Variants in MEGF10 observed in about 807,000 individuals in gnomAD.
MEGF10 encodes multiple EGF like domains 10, also known as multiple epidermal growth factor-like domains protein 10.
In MEGF10, 86 loss-of-function variants were observed where a neutral mutation model predicts 147.5. That is an observed-to-expected ratio of 0.58 (90% CI 0.49 to 0.70). The LOEUF (loss-of-function observed/expected upper bound fraction) is 0.70, where lower values mean the gene tolerates loss of function less well. Among genes scored for constraint, MEGF10 ranks in the 30% least tolerant of loss-of-function variants. MEGF10 has a pLI of 0.00. For missense variants in MEGF10, 1,329 were observed against 1,487.3 expected (o/e 0.89, Z 1.75); for synonymous variants, 478 against 525.5 (o/e 0.91, Z 1.24).
intron 23 of MEGF10, among the ~76,000 whole-genome samples, chr5:127,454,878 T>C (rs774866980): frequency 1.2e-4 from 18 of 152,102 alleles, no homozygotes; most frequent in Non-Finnish European, 2.2e-4. Flanking sequence ...AAATATGGCT[T>C]ATGGGGAGAC....
chr5:127,298,716 G>A (rs1392594203), intron 1 of MEGF10, among the ~76,000 whole-genome samples: 1 of 152,194 alleles, frequency 6.6e-6, no homozygotes, highest in Non-Finnish European at 1.5e-5. Flanking sequence ...GGGTCACAGA[G>A]AATAGCTGGT....
chr5:127,447,721 G>C, intron 21 of MEGF10, 37 bp downstream of exon 21: 2 of 1,612,690 alleles, frequency 1.2e-6, no homozygotes, highest in Non-Finnish European at 1.7e-6. Context: ...GAAGTGGGCT[G>C]GGGAGAGAGG....
chr5:127,446,314 C>A (rs1029479307), intron 20 of MEGF10, among the ~76,000 whole-genome samples: 7 of 152,080 alleles, frequency 4.6e-5, no homozygotes, highest in Admixed American at 1.3e-4. Flanking sequence ...AGTTTAAAAT[C>A]TTTATTACTT....
intron 5 of MEGF10, among the ~76,000 whole-genome samples, chr5:127,390,411 T>C (rs1763601465): frequency 6.6e-6 from 1 of 152,046 alleles, no homozygotes; most frequent in African/African-American, 2.4e-5. Flanking sequence ...CACCTTAGCC[T>C]CCTGAGTAGC....
intron 4 of MEGF10, among the ~76,000 whole-genome samples, chr5:127,341,773 G>A (rs1487521915): frequency 1.3e-5 from 2 of 152,134 alleles, no homozygotes; most frequent in African/African-American, 2.4e-5. Flanking sequence ...TTATACTTCT[G>A]TAACATATTG....
intron 5 of MEGF10, among the ~76,000 whole-genome samples, chr5:127,386,626 G>T (rs1174036311): frequency 6.6e-6 from 1 of 152,240 alleles, no homozygotes; most frequent in East Asian, 1.9e-4. Flanking sequence ...ATGAATAAAA[G>T]GTCCAAGCCT....
the MEGF10 span, among the ~76,000 whole-genome samples, chr5:127,262,211 CTATGT>C: frequency 6.6e-6 from 1 of 152,112 alleles, no homozygotes; most frequent in African/African-American, 2.4e-5. Flanking sequence ...GATTTACTCT[CTATGT>C]TATCTTCTAA....
In MEGF10 at chr5:127,410,413, G is replaced by T. The variant is rs1477033586; in HGVS notation, c.942G>T (p.Gly314=). 1 of 1,614,076 alleles carries T rather than the reference G, an allele frequency of 6.2e-7. No individual in the cohort carries two copies. Among genetic ancestry groups the T allele is most frequent in the African/African-American group, 1.3e-5 (1 of 74,918 alleles). ...GERCQDECPV[G]TYGVLCAETC... is the part of the protein sequence containing the mutation. ...GGTGCCAGGATGAGTGTCCTGTTGG[G>T]ACCTATGGCGTTCTCTGTGCTGAGA... The change falls in exon 9 of 25, where the codon GGG becomes GGT. Residue 314 remains glycine, a synonymous_variant. Transcript: ENST00000503335.
chr5:127,360,406 A>G (rs897285414), intron 4 of MEGF10, among the ~76,000 whole-genome samples: 4 of 151,948 alleles, frequency 2.6e-5, no homozygotes, highest in Non-Finnish European at 5.9e-5. Context: ...CTAAATACAT[A>G]TATTTACATA....
chr5:127,286,464 A>T (rs1759032539), upstream of MEGF10, among the ~76,000 whole-genome samples: 2 of 152,052 alleles, frequency 1.3e-5, no homozygotes, highest in Non-Finnish European at 2.9e-5. Flanking sequence ...ATACCTAAAA[A>T]ATTCCCTGAA....
chr5:127,402,748 G>T, intron 8 of MEGF10, 66 bp downstream of exon 8: 3 of 1,557,064 alleles, frequency 1.9e-6, no homozygotes, highest in South Asian at 1.2e-5. Context: ...TGTAGGGTCC[G>T]GGGAGCATCT....
intron 11 of MEGF10, 57 bp from the exon 12 acceptor site, chr5:127,419,987 A>T: frequency 6.3e-7 from 1 of 1,585,680 alleles, no homozygotes; most frequent in African/African-American, 1.3e-5. Flanking sequence ...GGAAAGGCTC[A>T]ACAAGGCTCT....
At chr5:127,442,132 G>A (rs1224190888) in intron 18 of MEGF10, among the ~76,000 whole-genome samples, 1 of 152,174 alleles carries the variant, frequency 6.6e-6, no homozygotes, top group South Asian at 2.1e-4. Context: ...CCAGATGACT[G>A]GTTAAGGTCT....
chr5:127,435,406 C>A lies in MEGF10; in HGVS notation c.2021C>A (p.Thr674Asn). 1 of 1,614,110 alleles carries A rather than the reference C, an allele frequency of 6.2e-7. No homozygotes were observed. Among genetic ancestry groups the A allele is most frequent in the South Asian group, 1.1e-5 (1 of 91,074 alleles). Residue 674 changes from threonine (T) to asparagine (N), a missense_variant, in exon 16 of 25, where the codon ACC (threonine) becomes AAC (asparagine). Coordinates refer to ENST00000503335, the MANE Select transcript of MEGF10 (RefSeq NM_001256545.2). ...GGGAAAAACTGTGCAGGAATTTGTA[C>A]CTGCACCAACAACGGAACCTGTAAC... ...RFGKNCAGIC[T>N]CTNNGTCNPI...
At chr5:127,452,539 C>T (rs947533084) in intron 22 of MEGF10, among the ~76,000 whole-genome samples, 1 of 152,176 alleles carries the variant, frequency 6.6e-6, no homozygotes, top group Non-Finnish European at 1.5e-5. Flanking sequence ...TCACTGAACT[C>T]ACTGAATGGG....
the MEGF10 span, among the ~76,000 whole-genome samples, chr5:127,281,818 C>T: frequency 1.8e-4 from 28 of 152,380 alleles, no homozygotes; most frequent in South Asian, 3.5e-3. Flanking sequence ...GTGATGACCA[C>T]AACCCGAGTT....
intron 5 of MEGF10, among the ~76,000 whole-genome samples, chr5:127,377,767 G>A (rs1018968912): frequency 2.0e-5 from 3 of 152,218 alleles, no homozygotes; most frequent in African/African-American, 7.2e-5. Flanking sequence ...ACAATGGTGG[G>A]ATCGATGCTG....
chr5:127,415,132 TAA>T (rs1764709848), intron 9 of MEGF10, among the ~76,000 whole-genome samples: 1 of 151,596 alleles, frequency 6.6e-6, no homozygotes, highest in Non-Finnish European at 1.5e-5. Context: ...AGCATAGCAA[TAA>T]AGAGAGAATA....
intron 4 of MEGF10, among the ~76,000 whole-genome samples, chr5:127,354,243 C>T (rs55918025): frequency 0.061 from 9,333 of 152,142 alleles, 310 homozygotes; most frequent in Non-Finnish European, 0.082. Flanking sequence ...AATTTTGAGG[C>T]GAGGGCTTAA....
Sources: allele counts gnomAD v4.1 joint callset (sites outside exome capture counted in the v4.1 genomes callset), GRCh38; gene constraint gnomAD v4.1.1; transcripts MANE v1.5; gene names NCBI Gene and HGNC (gene_info 2026-07-23, HGNC 2026-07-21).